The following HECW1 variants were observed in gnomAD, a reference collection of about 807,000 sequenced individuals.
HECW1 encodes the protein HECT, C2 and WW domain containing E3 ubiquitin protein ligase 1.
Under a neutral mutation model 182.3 loss-of-function variants are expected in HECW1, and 61 were observed. The ratio of observed to expected loss-of-function variants is 0.33; its 90% CI spans 0.27 to 0.41. The LOEUF (loss-of-function observed/expected upper bound fraction) is 0.41. Among genes scored for constraint, HECW1 ranks in the 10% least tolerant of loss-of-function variants. HECW1 has a pLI of 1.00. For synonymous variants in HECW1, 859 were observed against 832.6 expected, an observed-to-expected ratio of 1.03 and a Z score of -0.55; for missense variants, 1,739 against 2,108.9, an observed-to-expected ratio of 0.82 and a Z score of 3.44.
At chr7:43,160,297 AT>A (rs1185227499) in intron 2 of HECW1, among the ~76,000 whole-genome samples, 3 of 151,768 alleles carry the variant, frequency 2.0e-5, no homozygotes, top group African/African-American at 4.8e-5. Flanking sequence ...ATTTTTGTTA[AT>A]TTTTTTTATG....
At chr7:43,315,254 G>A (rs1171963617) in intron 4 of HECW1, among the ~76,000 whole-genome samples, 1 of 152,164 alleles carries the variant, frequency 6.6e-6, no homozygotes, top group Non-Finnish European at 1.5e-5. Flanking sequence ...AGCAGAAGCT[G>A]TATAAGGCAC....
intron 24 of HECW1, among the ~76,000 whole-genome samples, chr7:43,538,405 A>C (rs1039705178): frequency 2.6e-5 from 4 of 152,214 alleles, no homozygotes; most frequent in African/African-American, 9.7e-5. Flanking sequence ...TCTAATTAGC[A>C]CAAGAGATGT....
chr7:43,181,655 C>A (rs1038329779), intron 2 of HECW1, among the ~76,000 whole-genome samples: 1 of 150,686 alleles, frequency 6.6e-6, no homozygotes, highest in Admixed American at 6.6e-5. Context: ...CTATTCAGAT[C>A]TTTTGTTCAT....
At chr7:43,279,182 C>T (rs892766821) in intron 3 of HECW1, among the ~76,000 whole-genome samples, 1 of 152,094 alleles carries the variant, frequency 6.6e-6, no homozygotes, top group African/African-American at 2.4e-5. Context: ...AAGGGCATTC[C>T]CCTTCCAGCT....
At chr7:43,132,665 T>G (rs1206205846) in intron 2 of HECW1, among the ~76,000 whole-genome samples, 1 of 152,184 alleles carries the variant, frequency 6.6e-6, no homozygotes, top group East Asian at 1.9e-4. Flanking sequence ...TTAACCCAAT[T>G]TTGCCCAGTG....
chr7:43,333,086 A>G (rs1016357312), intron 5 of HECW1, among the ~76,000 whole-genome samples: 10 of 152,200 alleles, frequency 6.6e-5, no homozygotes, highest in African/African-American at 2.4e-4. Context: ...TTCTGGTCCC[A>G]TAGAGAGCTC....
chr7:43,314,703 T>C (rs997048126), intron 4 of HECW1, among the ~76,000 whole-genome samples: 2 of 152,230 alleles, frequency 1.3e-5, no homozygotes, highest in African/African-American at 4.8e-5. Flanking sequence ...AGTTATGTAA[T>C]GCAAAATGCC....
intron 4 of HECW1, among the ~76,000 whole-genome samples, chr7:43,316,795 C>A: frequency 9.2e-6 from 1 of 109,234 alleles, no homozygotes. Context: ...CTCCTCTCCT[C>A]TCCTCTCCCG....
At chr7:43,277,436 C>G (rs1032573925) in intron 3 of HECW1, among the ~76,000 whole-genome samples, 1 of 152,242 alleles carries the variant, frequency 6.6e-6, no homozygotes, top group Non-Finnish European at 1.5e-5. Context: ...TCGTTTCTGT[C>G]TGTACTGATA....
chr7:43,445,301 G>T lies in HECW1; in HGVS notation c.2129G>T (p.Gly710Val). 1 of 1,613,530 alleles carries T rather than the reference G, an allele frequency of 6.2e-7. No individual in the cohort carries two copies. Among genetic ancestry groups the T allele is most frequent in the Non-Finnish European group, 8.5e-7 (1 of 1,180,022 alleles). The change falls in exon 11 of 30, where the codon GGC becomes GTC. Residue 710 changes from glycine to valine, a missense_variant. Around this residue, in one of 5 missense-constraint regions of HECW1, gnomAD observed 971 missense variants for 1,029.1 expected, o/e 0.94. Transcript: ENST00000395891. ...TGCTACAGCCCCTCCTGCTACAACG[G>T]CAACAGGTTCGCCAGCCACACGCGC... ...ASCYSPSCYN[G>V]NRFASHTRFS...
chr7:43,563,368 C>A lies in HECW1; in HGVS notation c.*1442C>A. ...TTGCTATTTTTCTAACGTTGTTATC[C>A]ATGTTGCCTGAAATAGGTCATAAAT... On this transcript the variant is annotated 3_prime_UTR_variant, in exon 30 of 30. Transcript: ENST00000395891. 4.9e-6 allele frequency: 1 copy of A among 205,568 alleles called. No homozygotes were observed. Among genetic ancestry groups the A allele is most frequent in the East Asian group, 7.5e-5 (1 of 13,400 alleles). The allele number at this position is 205,568 out of a possible 1,614,324, so 12.7% of individuals were successfully genotyped here. A position where few individuals can be genotyped will look rare whatever the true frequency, so the allele number is the denominator to read the frequency against.
At chr7:43,493,574 A>G (rs1280183623) in intron 19 of HECW1, among the ~76,000 whole-genome samples, 1 of 152,236 alleles carries the variant, frequency 6.6e-6, no homozygotes, top group Non-Finnish European at 1.5e-5. Flanking sequence ...ATAAAAAAGC[A>G]AACAAAAAGT....
chr7:43,404,786 C>A (rs1217308347), intron 7 of HECW1, among the ~76,000 whole-genome samples: 1 of 152,098 alleles, frequency 6.6e-6, no homozygotes, highest in Non-Finnish European at 1.5e-5. Context: ...GACCAGCTGG[C>A]CAACCTAATG....
At chr7:43,422,078 T>C (rs1204965721) in intron 8 of HECW1, among the ~76,000 whole-genome samples, 1 of 152,090 alleles carries the variant, frequency 6.6e-6, no homozygotes, top group Non-Finnish European at 1.5e-5. Context: ...GCTCAGGGTG[T>C]TTTCTAATGC....
At chr7:43,524,307 G>GTT (rs1447521507) in intron 24 of HECW1, among the ~76,000 whole-genome samples, 4 of 152,124 alleles carry the variant, frequency 2.6e-5, no homozygotes, top group Non-Finnish European at 4.4e-5. Context: ...GACACAACAG[G>GTT]TTTTCACTAG....
At chr7:43,188,678 T>A (rs1793628668) in intron 2 of HECW1, among the ~76,000 whole-genome samples, 1 of 152,130 alleles carries the variant, frequency 6.6e-6, no homozygotes, top group Non-Finnish European at 1.5e-5. Flanking sequence ...CAATAAAAAT[T>A]AAATGTACTG....
At chr7:43,348,700 T>C (rs1814004589) in intron 5 of HECW1, among the ~76,000 whole-genome samples, 1 of 152,208 alleles carries the variant, frequency 6.6e-6, no homozygotes. Flanking sequence ...GAGGTTTTGA[T>C]AGTTTGTGTC....
chr7:43,478,148 G>A (rs538372352), intron 16 of HECW1, among the ~76,000 whole-genome samples: 1 of 152,328 alleles, frequency 6.6e-6, no homozygotes, highest in East Asian at 1.9e-4. Flanking sequence ...CAGGCTTGGT[G>A]GCTCACGCCT....
chr7:43,171,035 A>G (rs947291244), intron 2 of HECW1, among the ~76,000 whole-genome samples: 6 of 152,222 alleles, frequency 3.9e-5, no homozygotes, highest in African/African-American at 1.4e-4. Flanking sequence ...CAAAAGCTCA[A>G]CAGGGGCACA....
Sources: gnomAD v4.1 joint callset for allele counts (sites outside exome capture counted in the v4.1 genomes callset) on GRCh38, gnomAD v4.1.1 for gene constraint, gnomAD v4.1.1 regional missense constraint, MANE v1.5 for transcripts, NCBI Gene and HGNC (gene_info 2026-07-23, HGNC 2026-07-21) for gene names.